GLCCI1: variants seen among roughly 807,000 people sequenced by gnomAD.
GLCCI1 encodes the protein glucocorticoid-induced transcript 1 protein.
Under a neutral mutation model 52.2 loss-of-function variants are expected in GLCCI1, and 24 were observed. The ratio of observed to expected loss-of-function variants is 0.46; its 90% CI spans 0.33 to 0.65. GLCCI1 has a LOEUF of 0.65. Ranked by LOEUF, GLCCI1 falls within the 30% of genes least tolerant of loss-of-function variation. The pLI is 0.02. For missense variants in GLCCI1, 704 were observed against 701.5 expected (o/e 1.00, Z -0.04); for synonymous variants, 310 against 276.5 (o/e 1.12, Z -1.20).
At chr7:8,061,998 AG>A (rs1313618768) in intron 5 of GLCCI1, among the ~76,000 whole-genome samples, 1 of 152,090 alleles carries the variant, frequency 6.6e-6, no homozygotes, top group Non-Finnish European at 1.5e-5. Flanking sequence ...CATTAAGTGA[AG>A]TTTAAGAACA....
At chr7:8,079,958 T>G (rs1364844843) in intron 6 of GLCCI1, among the ~76,000 whole-genome samples, 1 of 151,586 alleles carries the variant, frequency 6.6e-6, no homozygotes, top group Non-Finnish European at 1.5e-5. Context: ...TTACAATTCT[T>G]TAGTATTCTC....
chr7:7,973,178 G>A (rs1316328273), intron 1 of GLCCI1, among the ~76,000 whole-genome samples: 1 of 151,918 alleles, frequency 6.6e-6, no homozygotes, highest in Non-Finnish European at 1.5e-5. Flanking sequence ...TTTTTGTAAT[G>A]GTAATACATA....
intron 2 of GLCCI1, among the ~76,000 whole-genome samples, chr7:8,021,801 A>G (rs1278291652): frequency 6.6e-6 from 1 of 152,234 alleles, no homozygotes; most frequent in Non-Finnish European, 1.5e-5. Context: ...GATAGTATCT[A>G]TTAATGGCTA....
intron 2 of GLCCI1, among the ~76,000 whole-genome samples, chr7:8,007,563 T>C (rs1164843502): frequency 6.6e-6 from 1 of 152,202 alleles, no homozygotes; most frequent in Non-Finnish European, 1.5e-5. Flanking sequence ...GATGAACATA[T>C]GAGATACTTT....
intron 6 of GLCCI1, among the ~76,000 whole-genome samples, chr7:8,071,880 T>C (rs1035112941): frequency 6.6e-6 from 1 of 152,184 alleles, no homozygotes; most frequent in African/African-American, 2.4e-5. Context: ...AATAGGTCAA[T>C]GGCAACAAAA....
intron 6 of GLCCI1, among the ~76,000 whole-genome samples, chr7:8,076,231 A>T (rs1416507139): frequency 6.6e-6 from 1 of 152,204 alleles, no homozygotes; most frequent in African/African-American, 2.4e-5. Context: ...GTAAAAGCAG[A>T]TATGATGGGT....
At chr7:8,035,823 T>C (rs950857479) in intron 3 of GLCCI1, among the ~76,000 whole-genome samples, 5 of 152,122 alleles carry the variant, frequency 3.3e-5, no homozygotes, top group Admixed American at 6.5e-5. Context: ...GCTGAGGCAG[T>C]TCCCTCCCCC....
chr7:8,084,944 C>CCAAA lies in GLCCI1; in HGVS notation c.1229_1232dup (p.Asn411LysfsTer15). 2 of 1,614,126 alleles carry CCAAA rather than the reference C, an allele frequency of 1.2e-6. No homozygotes were observed. Among genetic ancestry groups the CCAAA allele is most frequent in the Non-Finnish European group, 1.7e-6 (2 of 1,179,988 alleles). On this transcript the variant is annotated frameshift_variant, in exon 7 of 8. Transcript: ENST00000223145. LOFTEE classifies it high-confidence loss of function. ...ACCCAAGTATGCTTCATCTCCCAAA[C>CCAAA]CAAACAACAGCTACATGTTCAAACG... is the stretch of plus-strand genomic sequence containing the variant.
In GLCCI1 at chr7:8,006,037, A is replaced by T. The variant is rs112130783; in HGVS notation, c.609+1978A>T. Among the ~76,000 whole-genome samples the T allele has an allele frequency of 2.6e-4, 39 of 152,240 alleles. 1 individual carries two copies. Among genetic ancestry groups the T allele is most frequent in the African/African-American group, 5.8e-4 (24 of 41,544 alleles). On this transcript the variant is annotated intron_variant, in intron 2 of 7. Coordinates refer to ENST00000223145, the MANE Select transcript of GLCCI1 (RefSeq NM_138426.4). The stretch of plus-strand genomic sequence containing the variant: ...GGTCTCGAACTCCTGACCAAAGGTG[A>T]CCCACCTGTCTTAGCCTCCCAAAGT...
rs1255742360 is a variant in GLCCI1, at chr7:7,991,566, AG to A, written c.458-12339del. On this transcript the variant is annotated intron_variant, in intron 1 of 7. Coordinates refer to ENST00000223145, the MANE Select transcript of GLCCI1 (RefSeq NM_138426.4). ...TTTTCTTGGCCTTGAAAATAATTTT[AG>A]GGATGCTTTGTTCTTTACTGACATG... is the stretch of plus-strand genomic sequence containing the variant. Among the ~76,000 whole-genome samples, 14 of 152,114 alleles carry A rather than the reference AG, an allele frequency of 9.2e-5. No homozygotes were observed. The East Asian group carries it at 2.7e-3, about 29-fold the overall frequency.
At chr7:8,015,840 G>A (rs941505145) in intron 2 of GLCCI1, among the ~76,000 whole-genome samples, 6 of 152,096 alleles carry the variant, frequency 3.9e-5, no homozygotes, top group East Asian at 3.8e-4. Flanking sequence ...AGTATACAGC[G>A]AAAGGCCTTT....
chr7:8,068,345 A>G (rs1193636663), intron 5 of GLCCI1, among the ~76,000 whole-genome samples: 1 of 152,212 alleles, frequency 6.6e-6, no homozygotes, highest in Non-Finnish European at 1.5e-5. Flanking sequence ...GCAAAACTCC[A>G]TCTCAGAAAA....
At chr7:8,022,391 A>T in intron 2 of GLCCI1, 92 bp from the exon 3 acceptor site, 2 of 587,930 alleles carry the variant, frequency 3.4e-6, no homozygotes, top group Non-Finnish European at 5.1e-6. Flanking sequence ...TCTAACTGGT[A>T]AGTGCTAAGA....
chr7:8,005,642 A>G (rs1385590888), intron 2 of GLCCI1, among the ~76,000 whole-genome samples: 2 of 152,210 alleles, frequency 1.3e-5, no homozygotes, highest in African/African-American at 4.8e-5. Flanking sequence ...ATTATAGGAT[A>G]ATACAAACAT....
chr7:7,987,087 A>G (rs1220750841), intron 1 of GLCCI1, among the ~76,000 whole-genome samples: 1 of 152,158 alleles, frequency 6.6e-6, no homozygotes. Flanking sequence ...AAACAAAACA[A>G]AAAAACCCCA....
At position 8,086,359 on chromosome 7, in the gene GLCCI1, T is replaced by G. The variant is rs142817936; in HGVS notation, c.1465T>G (p.Leu489Val). Residue 489 changes from leucine to valine, a missense_variant, in exon 8 of 8, where the codon TTG (leucine) becomes GTG (valine). Leu to Val is a conservative substitution (Grantham distance 32). This residue lies in a region of GLCCI1 where 149 missense variants were observed against 152.9 expected (regional missense o/e 0.97). Coordinates refer to ENST00000223145, the MANE Select transcript of GLCCI1 (RefSeq NM_138426.4). The surrounding 1 kb of genome is among the most constrained non-coding windows in gnomAD (Gnocchi z 4.4). ...CCCTAACTCTGGCCAGAGCTCAGCT[T>G]TGGCAACTCTGACCGTTGAGCAGCT... ...NSPNSGQSSA[L>V]ATLTVEQLSS... is the part of the protein sequence containing the mutation. The G allele has an allele frequency of 7.0e-5, 113 of 1,614,046 alleles. No homozygotes were observed. The highest frequency in any genetic ancestry group is 1.6e-4 in the Middle Eastern group (1 of 6,084).
intron 2 of GLCCI1, among the ~76,000 whole-genome samples, chr7:8,004,567 T>C (rs1421127438): frequency 6.6e-6 from 1 of 152,190 alleles, no homozygotes; most frequent in African/African-American, 2.4e-5. Context: ...GAAAAGCTTT[T>C]CCTCCACATC....
rs971221314 is a variant in GLCCI1 at position 8,050,616 on chromosome 7, T to G, written c.697-4817T>G. On this transcript the variant is annotated intron_variant, in intron 3 of 7. Transcript: ENST00000223145. ...CAGAAAAAGTACTTGAGTTAATATC[T>G]TCAGTGATTGTTTTAGGGAAGGAGT... Among the ~76,000 whole-genome samples the G allele has an allele frequency of 2.6e-5, 4 of 152,332 alleles. No individual in the cohort carries two copies. The South Asian group carries it at 8.3e-4, about 32-fold the overall frequency.
chr7:7,969,905 T>C lies in GLCCI1; in HGVS notation c.457+98T>C. On this transcript the variant is annotated intron_variant, in intron 1 of 7. Transcript: ENST00000223145. This position sits in a 1 kb window ranked among gnomAD's most constrained non-coding sequence, Gnocchi z 4.9. ...CTTCGGGCTTCTCTTTGCTAGTGCA[T>C]TATCGAAGGTGTGAAAGTGGCTTTG... 2.7e-6 allele frequency: 3 copies of C among 1,129,918 alleles called. No individual in the cohort carries two copies. Among genetic ancestry groups the C allele is most frequent in the Non-Finnish European group, 3.3e-6 (3 of 913,778 alleles). The allele number at this position is 1,129,918 out of a possible 1,614,324, so 70.0% of individuals were successfully genotyped here.
Sources: gnomAD v4.1 joint callset for allele counts (sites outside exome capture counted in the v4.1 genomes callset) on GRCh38, gnomAD v4.1.1 for gene constraint, gnomAD v4.1.1 regional missense constraint, Gnocchi (gnomAD v3.1) non-coding constraint, MANE v1.5 for transcripts, NCBI Gene and HGNC (gene_info 2026-07-23, HGNC 2026-07-21) for gene names.